The following SEPTIN9 variants were observed in gnomAD, a reference collection of about 807,000 sequenced individuals.
SEPTIN9 encodes the protein septin-9.
Under a neutral mutation model 56.6 loss-of-function variants are expected in SEPTIN9, and 13 were observed. The observed-to-expected ratio is 0.23, with a 90% CI of 0.15 to 0.37. The LOEUF (loss-of-function observed/expected upper bound fraction) is 0.37, where lower values mean the gene tolerates loss of function less well. SEPTIN9 is among the 10% of genes least tolerant of loss of function. The pLI is 1.00. For synonymous variants in SEPTIN9, 332 were observed against 334.1 expected (o/e 0.99, Z 0.07); for missense variants, 650 against 823.1 (o/e 0.79, Z 2.57).
At position 77,367,382 on chromosome 17, in the gene SEPTIN9, A is replaced by G. The variant is rs542166290; in HGVS notation, c.77-34677A>G. Reference sequence around the variant, plus strand: ...TGCCCCTTTGGGCTCATGCCCCATCAGGAGTCTCCCGACTCTGCCATTCTG... The same window carrying G: ...TGCCCCTTTGGGCTCATGCCCCATCGGGAGTCTCCCGACTCTGCCATTCTG... On this transcript the variant is annotated intron_variant, in intron 2 of 11. Transcript: ENST00000427177. This position sits in a 1 kb window ranked among gnomAD's most constrained non-coding sequence, Gnocchi z 4.5. Among the ~76,000 whole-genome samples the G allele has an allele frequency of 7.0e-4, 106 of 152,328 alleles. No individual in the cohort carries two copies. Among genetic ancestry groups the G allele is most frequent in the Non-Finnish European group, 1.2e-3 (79 of 68,022 alleles).
chr17:77,430,703 G>C (rs1039059374), intron 3 of SEPTIN9, among the ~76,000 whole-genome samples: 5 of 152,206 alleles, frequency 3.3e-5, no homozygotes, highest in African/African-American at 1.2e-4. Context: ...GAAGTGCTAA[G>C]AAGCAGGCCG....
At chr17:77,409,480 G>A (rs1345557222) in intron 3 of SEPTIN9, among the ~76,000 whole-genome samples, 1 of 138,824 alleles carries the variant, frequency 7.2e-6, no homozygotes, top group East Asian at 2.0e-4. Flanking sequence ...AGCAGCTGTG[G>A]AATACCTTAA....
chr17:77,474,650 A>G (rs948166508), intron 3 of SEPTIN9, among the ~76,000 whole-genome samples: 15 of 152,064 alleles, frequency 9.9e-5, no homozygotes, highest in African/African-American at 3.1e-4. Flanking sequence ...CAGCCTTTCC[A>G]TGGTTCCCGA....
chr17:77,425,036 CAT>C lies in SEPTIN9; in HGVS notation c.721+22334_721+22335del. 6.6e-6 allele frequency among the ~76,000 whole-genome samples: 1 copy of C among 152,336 alleles called. No homozygotes were observed. The highest frequency in any genetic ancestry group is 1.5e-5 in the Non-Finnish European group (1 of 68,018). On this transcript the variant is annotated intron_variant, in intron 3 of 11. Coordinates refer to ENST00000427177, the MANE Select transcript of SEPTIN9 (RefSeq NM_001113491.2). The surrounding 1 kb of genome is among the most constrained non-coding windows in gnomAD (Gnocchi z 4.2). ...ATAGTTGGGCGAAGTCGAGTGACCA[CAT>C]GTGGAAGTCTAGCGTCCTTCATGCA...
intron 3 of SEPTIN9, among the ~76,000 whole-genome samples, chr17:77,413,072 C>G (rs952425548): frequency 1.4e-5 from 2 of 147,714 alleles, no homozygotes; most frequent in African/African-American, 5.2e-5. Flanking sequence ...CGAGCTTGGT[C>G]TGGAGCGGGT....
intron 2 of SEPTIN9, among the ~76,000 whole-genome samples, chr17:77,395,708 T>C (rs2035688510): frequency 6.6e-6 from 1 of 152,214 alleles, no homozygotes; most frequent in African/African-American, 2.4e-5. Flanking sequence ...GCGTGCAAAC[T>C]GCACATGTGT....
intron 6 of SEPTIN9, among the ~76,000 whole-genome samples, 181 bp downstream of exon 6, chr17:77,488,502 C>T (rs1301624337): frequency 2.0e-5 from 3 of 152,208 alleles, no homozygotes; most frequent in African/African-American, 4.8e-5. Flanking sequence ...AGCAGAATTA[C>T]CTGGGGAATC....
intron 3 of SEPTIN9, among the ~76,000 whole-genome samples, chr17:77,439,622 G>A (rs1216502399): frequency 4.6e-5 from 7 of 151,112 alleles, no homozygotes; most frequent in Non-Finnish European, 1.5e-5. Context: ...GATCAGGTGA[G>A]CAGATCCCCA....
At chr17:77,284,014 G>T (rs889462789) in intron 1 of SEPTIN9, among the ~76,000 whole-genome samples, 10 of 152,210 alleles carry the variant, frequency 6.6e-5, no homozygotes, top group Non-Finnish European at 1.3e-4. Context: ...AGGTGAGATT[G>T]AGCTGGGCCT....
chr17:77,376,481 G>A, intron 2 of SEPTIN9: 16 of 833,118 alleles, frequency 1.9e-5, no homozygotes, highest in Non-Finnish European at 2.3e-5. Flanking sequence ...GCCAGCGGAT[G>A]TGGGTGCCTG....
Position 77,414,236 on chromosome 17 carries a change from G to A in SEPTIN9, c.721+11533G>A, listed in dbSNP as rs569888804. Among the ~76,000 whole-genome samples, 22 of 151,916 alleles carry A rather than the reference G, an allele frequency of 1.4e-4. No individual in the cohort carries two copies. In the East Asian group the frequency reaches 3.9e-3, roughly 27 times the overall value. The stretch of plus-strand genomic sequence containing the variant: ...TGAGATTACAGACATGTACCACTAC[G>A]CCCGGCTAATTTTGTATTTTTAGTA... On this transcript the variant is annotated intron_variant, in intron 3 of 11. Coordinates refer to ENST00000427177, the MANE Select transcript of SEPTIN9 (RefSeq NM_001113491.2).
At chr17:77,485,257 A>AAGGGGG (rs2039721235) in intron 4 of SEPTIN9, among the ~76,000 whole-genome samples, 1 of 69,996 alleles carries the variant, frequency 1.4e-5, no homozygotes, top group Non-Finnish European at 3.0e-5. Context: ...GATGGTGGTG[A>AAGGGGG]TTGTGATGGT....
At chr17:77,390,641 CG>C (rs2035508701) in intron 2 of SEPTIN9, among the ~76,000 whole-genome samples, 1 of 151,692 alleles carries the variant, frequency 6.6e-6, no homozygotes, top group South Asian at 2.1e-4. Context: ...TTAGTAGAGA[CG>C]GGGTTTCACT....
At position 77,445,072 on chromosome 17, in the gene SEPTIN9, C is replaced by T. The variant is rs2037684555; in HGVS notation, c.722-37072C>T. 1 of 417,788 alleles carries T rather than the reference C, an allele frequency of 2.4e-6. No individual in the cohort carries two copies. The highest frequency in any genetic ancestry group is 5.0e-6 in the Non-Finnish European group (1 of 199,718). The allele number at this position is 417,788 out of a possible 1,614,324, so 25.9% of individuals were successfully genotyped here. On this transcript the variant is annotated intron_variant, in intron 3 of 11. Coordinates refer to ENST00000427177, the MANE Select transcript of SEPTIN9 (RefSeq NM_001113491.2). This position sits in a 1 kb window ranked among gnomAD's most constrained non-coding sequence, Gnocchi z 4.7. ...GCCTCACAGAAAATGTGCAGAGGCC[C>T]CTCTGTCCCACCATGCCTGCCTGGG...
intron 2 of SEPTIN9, among the ~76,000 whole-genome samples, chr17:77,331,474 C>T (rs183309525): frequency 2.6e-5 from 4 of 152,208 alleles, no homozygotes; most frequent in Admixed American, 1.3e-4. Context: ...GGGCATTTCC[C>T]GTGCACCAGT....
chr17:77,331,593 C>T (rs1286173336), intron 2 of SEPTIN9, among the ~76,000 whole-genome samples: 2 of 152,222 alleles, frequency 1.3e-5, no homozygotes, highest in East Asian at 3.9e-4. Flanking sequence ...CAGCAGGTGG[C>T]GCCGCAAGCT....
chr17:77,498,296 C>T (rs969759602), intron 11 of SEPTIN9, among the ~76,000 whole-genome samples: 27 of 152,018 alleles, frequency 1.8e-4, no homozygotes, highest in East Asian at 3.9e-4. Flanking sequence ...GTGTTCTGAC[C>T]GAGTCTGGGC....
intron 2 of SEPTIN9, among the ~76,000 whole-genome samples, chr17:77,397,524 A>G (rs1237889087): frequency 6.6e-6 from 1 of 152,188 alleles, no homozygotes; most frequent in Non-Finnish European, 1.5e-5. Flanking sequence ...TTTGGGGGTC[A>G]CTAGTCAACC....
chr17:77,408,451 C>CCCCG (rs2036170155), intron 3 of SEPTIN9, among the ~76,000 whole-genome samples: 1 of 152,166 alleles, frequency 6.6e-6, no homozygotes, highest in Non-Finnish European at 1.5e-5. Flanking sequence ...GTCAGGCCCC[C>CCCCG]CCGAGCTGAT....
Sources: allele counts gnomAD v4.1 joint callset (sites outside exome capture counted in the v4.1 genomes callset), GRCh38; gene constraint gnomAD v4.1.1; non-coding constraint Gnocchi (gnomAD v3.1); transcripts MANE v1.5; gene names NCBI Gene and HGNC (gene_info 2026-07-23, HGNC 2026-07-21).